ZNF627: variants seen among roughly 807,000 people sequenced by gnomAD.
The protein encoded by ZNF627 is zinc finger protein 627.
ZNF627 carries 12 observed loss-of-function variants against 10.6 expected under a neutral mutation model. That is an observed-to-expected ratio of 1.13 (90% CI 0.73 to 1.84). The LOEUF (loss-of-function observed/expected upper bound fraction) is 1.84, where lower values mean the gene tolerates loss of function less well. Among genes scored for constraint, ZNF627 ranks in the 40% most tolerant of loss-of-function variants. ZNF627 has a pLI of 0.00. For synonymous variants in ZNF627, 176 were observed against 187.1 expected (o/e 0.94, Z 0.48); for missense variants, 504 against 568.4 (o/e 0.89, Z 1.15).
chr19:11,599,770 G>T (rs148957551), intron 1 of ZNF627, among the ~76,000 whole-genome samples: 1 of 152,124 alleles, frequency 6.6e-6, no homozygotes, highest in African/African-American at 2.4e-5. Context: ...AGCTGGGTGT[G>T]GTGGCAGGTG....
At chr19:11,614,970 T>C (rs1391336977) in intron 3 of ZNF627, 83 bp downstream of exon 3, 31 of 1,111,866 alleles carry the variant, frequency 2.8e-5, no homozygotes, top group Non-Finnish European at 3.4e-5. Context: ...TTTTTTTAGA[T>C]GAAGTCTCGC....
chr19:11,609,400 G>A (rs1973726108), intron 1 of ZNF627, among the ~76,000 whole-genome samples: 1 of 134,922 alleles, frequency 7.4e-6, no homozygotes, highest in South Asian at 2.5e-4. Flanking sequence ...AACACCTATA[G>A]AGAAATTTTC....
At chr19:11,616,657 C>T in intron 3 of ZNF627, 38 bp from the exon 4 acceptor site, 2 of 1,353,438 alleles carry the variant, frequency 1.5e-6, no homozygotes, top group Admixed American at 2.3e-5. Context: ...CATTTATAAA[C>T]AAAACATTAA....
intron 1 of ZNF627, among the ~76,000 whole-genome samples, chr19:11,600,974 C>A (rs1973574949): frequency 6.6e-6 from 1 of 152,202 alleles, no homozygotes; most frequent in Admixed American, 6.5e-5. Context: ...TTACTGGAAT[C>A]TTCAAACCCT....
chr19:11,604,216 A>C (rs146417030), intron 1 of ZNF627: 27 of 152,256 alleles, frequency 1.8e-4, no homozygotes, highest in Middle Eastern at 6.8e-3. Flanking sequence ...AAAGGACACC[A>C]AGAACTTGAA....
At chr19:11,614,939 G>C (rs1217355241) in intron 3 of ZNF627, 52 bp downstream of exon 3, 1 of 1,089,628 alleles carries the variant, frequency 9.2e-7, no homozygotes, top group African/African-American at 1.7e-5. Flanking sequence ...ATTTCGTATT[G>C]TTAGGAATTT....
chr19:11,605,525 C>G (rs1299049785), intron 1 of ZNF627, among the ~76,000 whole-genome samples: 1 of 152,050 alleles, frequency 6.6e-6, no homozygotes, highest in Non-Finnish European at 1.5e-5. Flanking sequence ...CTTCACATGG[C>G]AGCAGCAAGG....
chr19:11,598,121 A>T (rs532464863), intron 1 of ZNF627, among the ~76,000 whole-genome samples: 43 of 152,318 alleles, frequency 2.8e-4, no homozygotes, highest in Admixed American at 1.2e-3. Context: ...ACAGTTATGC[A>T]GTCGCCTTAT....
At chr19:11,605,866 A>G (rs908355713) in intron 1 of ZNF627, among the ~76,000 whole-genome samples, 2 of 152,144 alleles carry the variant, frequency 1.3e-5, no homozygotes, top group Admixed American at 1.3e-4. Flanking sequence ...CTCATCTGAG[A>G]CAAGGCAAGT....
At position 11,617,291 on chromosome 19, in the gene ZNF627, C is replaced by T; in HGVS notation, c.788C>T (p.Ser263Phe). ...CKQCGKAFSC[S>F]KYIRIHERTH... ...CAGTGTGGGAAAGCTTTCAGTTGTT[C>T]CAAGTACATTCGAATCCATGAACGA... Residue 263 changes from serine (S) to phenylalanine (F), a missense_variant, in exon 4 of 4, where the codon TCC (serine) becomes TTC (phenylalanine). Transcript: ENST00000361113. 1 of 1,613,848 alleles carries T rather than the reference C, an allele frequency of 6.2e-7. No individual in the cohort carries two copies. Among genetic ancestry groups the T allele is most frequent in the Non-Finnish European group, 8.5e-7 (1 of 1,180,000 alleles).
intron 3 of ZNF627, among the ~76,000 whole-genome samples, chr19:11,616,373 T>C (rs1973868099): frequency 6.6e-6 from 1 of 152,110 alleles, no homozygotes; most frequent in Non-Finnish European, 1.5e-5. Context: ...ATAATAGGTA[T>C]GGTTGTGACC....
At chr19:11,608,839 A>G (rs1267984427) in intron 1 of ZNF627, among the ~76,000 whole-genome samples, 2 of 151,814 alleles carry the variant, frequency 1.3e-5, no homozygotes, top group South Asian at 4.2e-4. Flanking sequence ...TTTCTAATCA[A>G]TGTGTTTTTT....
Position 11,616,858 on chromosome 19 carries a change from C to T in ZNF627, c.355C>T (p.His119Tyr). 6.2e-7 allele frequency: 1 copy of T among 1,613,992 alleles called. No homozygotes were observed. The highest frequency in any genetic ancestry group is 2.2e-5 in the East Asian group (1 of 44,878). The part of the protein sequence containing the change: ...VGMGPSSLNR[H>Y]IRDHTGREPN... ...CATGGGTCCTTCATCACTTAATAGGCACATCAGAGATCACACTGGACGTGA... is the reference window on the plus strand; with the variant it reads ...CATGGGTCCTTCATCACTTAATAGGTACATCAGAGATCACACTGGACGTGA... The change falls in exon 4 of 4, where the codon CAC (histidine) becomes TAC (tyrosine). Residue 119 changes from histidine to tyrosine, a missense_variant. By Grantham distance (83) the His-to-Tyr change is moderately conservative. Transcript: ENST00000361113.
At chr19:11,614,976 C>T (rs1232129793) in intron 3 of ZNF627, 89 bp downstream of exon 3, 32 of 1,061,420 alleles carry the variant, frequency 3.0e-5, no homozygotes, top group African/African-American at 5.1e-5. Flanking sequence ...TAGATGAAGT[C>T]TCGCTCTGTC....
chr19:11,600,576 AAG>A (rs1332212985), intron 1 of ZNF627, among the ~76,000 whole-genome samples: 2 of 152,120 alleles, frequency 1.3e-5, no homozygotes, highest in South Asian at 2.1e-4. Context: ...TACTAAGGAA[AAG>A]AGAGAGAGAA....
chr19:11,598,055 A>G (rs1365543180), intron 1 of ZNF627, among the ~76,000 whole-genome samples: 2 of 152,086 alleles, frequency 1.3e-5, no homozygotes, highest in South Asian at 4.1e-4. Context: ...GAGGGAATGG[A>G]AGGAAAGGCT....
At chr19:11,615,497 G>C (rs1352803303) in intron 3 of ZNF627, among the ~76,000 whole-genome samples, 1 of 148,290 alleles carries the variant, frequency 6.7e-6, no homozygotes, top group African/African-American at 2.5e-5. Context: ...CCAGCTACTC[G>C]GGAGGCTGAG....
chr19:11,618,026 C>T lies in ZNF627; in HGVS notation c.*137C>T, dbSNP rs1254118397. ...CTGTAAGATAATTGGCTTTAAATTACGAGAGACTTGTGATAGGACAGTAAA... is the reference window on the plus strand; with the variant it reads ...CTGTAAGATAATTGGCTTTAAATTATGAGAGACTTGTGATAGGACAGTAAA... On this transcript the variant is annotated 3_prime_UTR_variant, in exon 4 of 4. Coordinates refer to ENST00000361113, the MANE Select transcript of ZNF627 (RefSeq NM_145295.4). 32 of 699,632 alleles carry T rather than the reference C, an allele frequency of 4.6e-5. No individual in the cohort carries two copies. In the East Asian group the frequency reaches 4.6e-4, roughly 10 times the overall value. The allele number at this position is 699,632 out of a possible 1,614,324, so 43.3% of individuals were successfully genotyped here. A position where few individuals can be genotyped will look rare whatever the true frequency, so the allele number is the denominator to read the frequency against.
rs201476348 is a variant in ZNF627, at chr19:11,617,907, T to C, written c.*18T>C. On this transcript the variant is annotated 3_prime_UTR_variant, in exon 4 of 4. Transcript: ENST00000361113. Reference sequence around the variant, plus strand: ...TTTCATGAGCATGAAAGGAGTCACATAGAGAAACCCCATGAAAGTAAGAAA... The same window carrying C: ...TTTCATGAGCATGAAAGGAGTCACACAGAGAAACCCCATGAAAGTAAGAAA... The C allele has an allele frequency of 2.4e-5, 36 of 1,505,178 alleles. No individual in the cohort carries two copies. Among genetic ancestry groups the C allele is most frequent in the Admixed American group, 6.9e-5 (3 of 43,460 alleles). The allele number at this position is 1,505,178 out of a possible 1,614,324, so 93.2% of individuals were successfully genotyped here. A position where few individuals can be genotyped will look rare whatever the true frequency, so the allele number is the denominator to read the frequency against.
Sources: gnomAD v4.1 joint callset for allele counts (sites outside exome capture counted in the v4.1 genomes callset) on GRCh38, gnomAD v4.1.1 for gene constraint, MANE v1.5 for transcripts, NCBI Gene and HGNC (gene_info 2026-07-23, HGNC 2026-07-21) for gene names.